The following CNR1 variants were observed in gnomAD, a reference collection of about 807,000 sequenced individuals.
CNR1 encodes cannabinoid receptor 1, also known as cannabinoid receptor 1 (brain).
A neutral mutation model predicts 23.0 loss-of-function variants in CNR1; 10 were observed. That is an observed-to-expected ratio of 0.43 (90% CI 0.27 to 0.74). CNR1 has a LOEUF of 0.74. Ranked by LOEUF, CNR1 falls within the 30% of genes least tolerant of loss-of-function variation. The probability of loss-of-function intolerance (pLI) is 0.19; values close to 1 mark genes in which losing one functional copy is unlikely to be tolerated. For missense variants in CNR1, 422 were observed against 618.8 expected, an observed-to-expected ratio of 0.68 and a Z score of 3.37; for synonymous variants, 271 against 255.2, an observed-to-expected ratio of 1.06 and a Z score of -0.59.
chr6:88,147,069 T>G (rs1397357137), intron 1 of CNR1, among the ~76,000 whole-genome samples: 1 of 152,066 alleles, frequency 6.6e-6, no homozygotes, highest in Admixed American at 6.5e-5. Flanking sequence ...GAGGTGGGCA[T>G]ATCACGAAGT....
rs1776722870 is a variant in CNR1 at position 88,140,058 on chromosome 6, T to C, written c.*3798A>G. On this transcript the variant is annotated 3_prime_UTR_variant, in exon 2 of 2. Coordinates refer to ENST00000369501, the MANE Select transcript of CNR1 (RefSeq NM_016083.6). ...GCTATAGTAATTTAATGACTGAAGC[T>C]ACATTTAATAACAATCTTACCAGTA... The C allele has an allele frequency of 6.5e-6, 1 of 152,794 alleles. No homozygotes were observed. The highest frequency in any genetic ancestry group is 1.5e-5 in the Non-Finnish European group (1 of 68,042). 9.5% of individuals were successfully genotyped at this position (152,794 alleles called of 1,614,324 possible).
In CNR1 at chr6:88,144,980, C is replaced by T; in HGVS notation, c.295G>A (p.Gly99Arg). 9 of 1,614,192 alleles carry T rather than the reference C, an allele frequency of 5.6e-6. No individual in the cohort carries two copies. Among genetic ancestry groups the T allele is most frequent in the Non-Finnish European group, 7.6e-6 (9 of 1,180,034 alleles). Residue 99 changes from glycine (G) to arginine (R), a missense_variant, in exon 2 of 2, where the codon GGG becomes AGG. Coordinates refer to ENST00000369501, the MANE Select transcript of CNR1 (RefSeq NM_016083.6). The surrounding 1 kb of genome is among the most constrained non-coding windows in gnomAD (Gnocchi z 7.8). ...CACTCTATGTCCATGAAGTTCTCCC[C>T]ACACTGGATGTTCTCCTCATTCTCC... ...FKENEENIQC[G>R]ENFMDIECFM... is the part of the protein sequence containing the mutation.
chr6:88,163,610 A>T (rs561211948), intron 1 of CNR1, among the ~76,000 whole-genome samples: 1 of 152,356 alleles, frequency 6.6e-6, no homozygotes, highest in South Asian at 2.1e-4. Flanking sequence ...CTTAGTAATT[A>T]ATAAGCTGAC....
chr6:88,143,745 C>CA lies in CNR1; in HGVS notation c.*110dup. On this transcript the variant is annotated 3_prime_UTR_variant, in exon 2 of 2. Coordinates refer to ENST00000369501, the MANE Select transcript of CNR1 (RefSeq NM_016083.6). ...GTGATCATGGTGACAATCACCTTTTCATTGAGCATGGTAAAGTTAAAAAAA... is the reference window on the plus strand; with the variant it reads ...GTGATCATGGTGACAATCACCTTTTCAATTGAGCATGGTAAAGTTAAAAAAA... 1.3e-6 allele frequency: 1 copy of CA among 768,170 alleles called. No homozygotes were observed. Among genetic ancestry groups the CA allele is most frequent in the Non-Finnish European group, 2.2e-6 (1 of 463,066 alleles). The allele number at this position is 768,170 out of a possible 1,614,324, so 47.6% of individuals were successfully genotyped here.
At chr6:88,164,019 T>C (rs1016907414) in intron 1 of CNR1, among the ~76,000 whole-genome samples, 3 of 152,234 alleles carry the variant, frequency 2.0e-5, no homozygotes, top group Non-Finnish European at 4.4e-5. Context: ...TAAATAATAA[T>C]CACTTATGGC....
chr6:88,151,094 C>T (rs1401366231), intron 1 of CNR1, among the ~76,000 whole-genome samples: 1 of 152,110 alleles, frequency 6.6e-6, no homozygotes, highest in Non-Finnish European at 1.5e-5. Flanking sequence ...TATATCAATT[C>T]CTTTATTTCA....
chr6:88,152,481 A>T (rs916899591), intron 1 of CNR1, among the ~76,000 whole-genome samples: 1 of 152,240 alleles, frequency 6.6e-6, no homozygotes, highest in Admixed American at 6.5e-5. Context: ...CGCAAGTGTG[A>T]TCACAACTTC....
intron 1 of CNR1, among the ~76,000 whole-genome samples, chr6:88,161,395 T>A (rs1778098913): frequency 6.6e-6 from 1 of 152,188 alleles, no homozygotes. Context: ...GAGAATTCCA[T>A]GGTGATTAAG....
At chr6:88,146,089 A>G (rs1158364863) in intron 1 of CNR1, among the ~76,000 whole-genome samples, 1 of 152,000 alleles carries the variant, frequency 6.6e-6, no homozygotes, top group Non-Finnish European at 1.5e-5. Context: ...ATAGGAAGAC[A>G]GAGTTTTTTT....
rs1183411856 is a variant in CNR1, at chr6:88,143,899, A to C, written c.1376T>G (p.Val459Gly). ...CIKSTVKIAK[V>G]TMSVSTDTSA... ...CGTGTCTGTGGACACAGACATGGTT[A>C]CCTTGGCAATCTTGACCGTGCTCTT... Residue 459 changes from valine (V) to glycine (G), a missense_variant, in exon 2 of 2, where the codon GTA becomes GGA. By Grantham distance (109) the Val-to-Gly change is moderately radical. This residue lies in a region of CNR1 where 79 missense variants were observed against 98.0 expected (regional missense o/e 0.81). Transcript: ENST00000369501. The C allele has an allele frequency of 6.2e-7, 1 of 1,613,928 alleles. No individual in the cohort carries two copies. The highest frequency in any genetic ancestry group is 1.3e-5 in the African/African-American group (1 of 74,876).
chr6:88,149,632 T>C (rs184452189), intron 1 of CNR1, among the ~76,000 whole-genome samples: 1 of 152,152 alleles, frequency 6.6e-6, no homozygotes. Context: ...TGCTGCTCTT[T>C]GAATACACCG....
chr6:88,162,609 G>A (rs1443718678), intron 1 of CNR1, among the ~76,000 whole-genome samples: 2 of 152,210 alleles, frequency 1.3e-5, no homozygotes, highest in African/African-American at 4.8e-5. Context: ...CCATTTCTCT[G>A]AGGATAAGAT....
intron 1 of CNR1, among the ~76,000 whole-genome samples, chr6:88,162,030 T>C (rs930563792): frequency 1.3e-5 from 2 of 152,214 alleles, no homozygotes; most frequent in Middle Eastern, 3.2e-3. Flanking sequence ...TCAGTGTTTA[T>C]GATAAAATTA....
At chr6:88,153,290 TG>T (rs1405034456) in intron 1 of CNR1, among the ~76,000 whole-genome samples, 1 of 152,188 alleles carries the variant, frequency 6.6e-6, no homozygotes, top group Middle Eastern at 3.2e-3. Flanking sequence ...ATAAAGTTGT[TG>T]TTTTTTTTAA....
At chr6:88,153,877 G>A (rs1049058037) in intron 1 of CNR1, among the ~76,000 whole-genome samples, 1 of 152,196 alleles carries the variant, frequency 6.6e-6, no homozygotes, top group African/African-American at 2.4e-5. Flanking sequence ...AGTTGAATGG[G>A]CAATGAGTCT....
At chr6:88,146,663 TATTC>T (rs1393126566) in intron 1 of CNR1, among the ~76,000 whole-genome samples, 2 of 152,368 alleles carry the variant, frequency 1.3e-5, no homozygotes, top group Middle Eastern at 3.4e-3. Context: ...AAATGTGGGC[TATTC>T]ATTTCTTTAG....
chr6:88,159,343 G>A (rs2127767321), intron 1 of CNR1, among the ~76,000 whole-genome samples: 1 of 152,190 alleles, frequency 6.6e-6, no homozygotes, highest in Non-Finnish European at 1.5e-5. Flanking sequence ...CAAGTAATAT[G>A]GATCTACTGC....
At position 88,142,376 on chromosome 6, in the gene CNR1, T is replaced by C. The variant is rs1378496439; in HGVS notation, c.*1480A>G. 1.6e-5 allele frequency: 2 copies of C among 122,408 alleles called. No individual in the cohort carries two copies. Among genetic ancestry groups the C allele is most frequent in the Non-Finnish European group, 3.5e-5 (2 of 56,520 alleles). 7.6% of individuals were successfully genotyped at this position (122,408 alleles called of 1,614,324 possible). Reference sequence around the variant, plus strand: ...CACACGCTATTGAAAAATGTTACCATTGTTTTTCTGTAGAACTGTCTTCCT... The same window carrying C: ...CACACGCTATTGAAAAATGTTACCACTGTTTTTCTGTAGAACTGTCTTCCT... On this transcript the variant is annotated 3_prime_UTR_variant, in exon 2 of 2. Transcript: ENST00000369501.
intron 1 of CNR1, among the ~76,000 whole-genome samples, chr6:88,157,835 A>T (rs2127765689): frequency 6.6e-6 from 1 of 152,352 alleles, no homozygotes; most frequent in Admixed American, 6.5e-5. Context: ...TATTGTAGGG[A>T]CTAAAATGGA....
Sources: gnomAD v4.1 joint callset for allele counts (sites outside exome capture counted in the v4.1 genomes callset) on GRCh38, gnomAD v4.1.1 for gene constraint, gnomAD v4.1.1 regional missense constraint, Gnocchi (gnomAD v3.1) non-coding constraint, MANE v1.5 for transcripts, NCBI Gene and HGNC (gene_info 2026-07-23, HGNC 2026-07-21) for gene names.